Variants in SLC28A3 observed in about 807,000 individuals in gnomAD.
SLC28A3 encodes the protein solute carrier family 28 member 3, also known as concentrative Na(+)-nucleoside cotransporter 3.
Under a neutral mutation model 84.2 loss-of-function variants are expected in SLC28A3, and 68 were observed. The ratio of observed to expected loss-of-function variants is 0.81; its 90% CI spans 0.66 to 0.99. SLC28A3 has a LOEUF of 0.99. SLC28A3 is among the 50% of genes least tolerant of loss of function. The pLI is 0.00. For synonymous variants in SLC28A3, 267 were observed against 303.6 expected, an observed-to-expected ratio of 0.88 and a Z score of 1.25; for missense variants, 712 against 841.5, an observed-to-expected ratio of 0.85 and a Z score of 1.90.
chr9:84,285,500 C>G lies in SLC28A3; in HGVS notation c.1492G>C (p.Gly498Arg), dbSNP rs1381309149. 3 of 1,614,004 alleles carry G rather than the reference C, an allele frequency of 1.9e-6. No homozygotes were observed. The Admixed American group carries it at 5.0e-5, about 27-fold the overall frequency. ...YIFMPFSFMM[G>R]VEWQDSFMVA... ...ATAAAGCTGTCCTGCCATTCCACTCCCATCATGAAGGAAAAGGGCATGAAG... is the reference window on the plus strand; with the variant it reads ...ATAAAGCTGTCCTGCCATTCCACTCGCATCATGAAGGAAAAGGGCATGAAG... The change falls in exon 14 of 18, where the codon GGA (glycine) becomes CGA (arginine). Residue 498 changes from glycine to arginine, a missense_variant. Coordinates refer to ENST00000376238, the MANE Select transcript of SLC28A3 (RefSeq NM_001199633.2).
upstream of SLC28A3, among the ~76,000 whole-genome samples, chr9:84,345,530 G>A (rs1205207421): frequency 6.6e-6 from 1 of 152,286 alleles, no homozygotes. Flanking sequence ...TTTTAGAAAT[G>A]TAACGATGTG....
At chr9:84,280,641 A>C (rs1824711521) in intron 15 of SLC28A3, among the ~76,000 whole-genome samples, 160 bp downstream of exon 15, 1 of 152,170 alleles carries the variant, frequency 6.6e-6, no homozygotes, top group Non-Finnish European at 1.5e-5. Context: ...GTGCAAGGGA[A>C]AACTATATTG....
intron 10 of SLC28A3, among the ~76,000 whole-genome samples, chr9:84,291,518 T>G (rs546701697): frequency 6.6e-6 from 1 of 152,286 alleles, no homozygotes; most frequent in South Asian, 2.1e-4. Flanking sequence ...GTGTTTTTAG[T>G]AGAGACGGGG....
At chr9:84,307,690 A>G (rs1825850564) in intron 3 of SLC28A3, among the ~76,000 whole-genome samples, 1 of 152,106 alleles carries the variant, frequency 6.6e-6, no homozygotes, top group South Asian at 2.1e-4. Flanking sequence ...TTGAAGATAT[A>G]TTAAGAAGCA....
Position 84,299,575 on chromosome 9 carries a change from A to G in SLC28A3, c.669+6T>C. On this transcript the variant is annotated splice_donor_region_variant and intron_variant, in intron 6 of 17. Transcript: ENST00000376238. ...AAAGAACCTAAAAGATCAACTGGAT[A>G]CTTACTCTGGTTGGGTACTTGGAAA... 3.1e-6 allele frequency: 5 copies of G among 1,613,828 alleles called. No homozygotes were observed. The highest frequency in any genetic ancestry group is 1.7e-5 in the Admixed American group (1 of 59,968).
At chr9:84,346,610 T>C in the SLC28A3 span, among the ~76,000 whole-genome samples, 4 of 152,338 alleles carry the variant, frequency 2.6e-5, no homozygotes, top group East Asian at 7.7e-4. Context: ...TTATAAGGCT[T>C]AGTCTAATTA....
intron 7 of SLC28A3, among the ~76,000 whole-genome samples, chr9:84,297,530 G>T (rs774030827): frequency 1.3e-5 from 2 of 152,326 alleles, no homozygotes; most frequent in Admixed American, 6.5e-5. Context: ...ACTCTAGAAT[G>T]CTACAGAATG....
the SLC28A3 span, among the ~76,000 whole-genome samples, chr9:84,364,125 T>A: frequency 6.9e-6 from 1 of 145,912 alleles, no homozygotes; most frequent in African/African-American, 2.5e-5. Context: ...ACACTCTTTT[T>A]TTTTTTTTTT....
rs775697183 is a variant in SLC28A3, at chr9:84,286,004, A to G, written c.1388T>C (p.Phe463Ser). 1 of 1,613,982 alleles carries G rather than the reference A, an allele frequency of 6.2e-7. No homozygotes were observed. Among genetic ancestry groups the G allele is most frequent in the East Asian group, 2.2e-5 (1 of 44,894 alleles). The change falls in exon 13 of 18, where the codon TTT becomes TCT. Residue 463 changes from phenylalanine to serine, a missense_variant. By Grantham distance (155) the Phe-to-Ser change is radical. Transcript: ENST00000376238. Reference protein sequence around the residue: ...NLIAFLALLSFMNSALSWFGN... With the variant: ...NLIAFLALLSSMNSALSWFGN... ...AAACCAGGACAGGGCTGAATTCATA[A>G]AAGACAGCAGGGCCAGGAAGGCAAT...
intron 4 of SLC28A3, among the ~76,000 whole-genome samples, chr9:84,304,850 T>A (rs569899606): frequency 6.6e-6 from 1 of 152,118 alleles, no homozygotes; most frequent in Admixed American, 6.5e-5. Context: ...AGTGAAACCC[T>A]GTCTCTACTA....
In SLC28A3 at chr9:84,279,275, G is replaced by C; in HGVS notation, c.1939C>G (p.Leu647Val). The change falls in exon 17 of 18, where the codon CTG (leucine) becomes GTG (valine). Residue 647 changes from leucine to valine, a missense_variant. Coordinates refer to ENST00000376238, the MANE Select transcript of SLC28A3 (RefSeq NM_001199633.2). ...TTKVIACCQS[L>V]LSSTVAKGPG... The stretch of plus-strand genomic sequence containing the variant: ...TCAAGAATACAATACCTGCTCAACA[G>C]ACTTTGGCAACAAGCTATCACCTTG... The C allele has an allele frequency of 6.2e-7, 1 of 1,610,472 alleles. No homozygotes were observed. The highest frequency in any genetic ancestry group is 8.5e-7 in the Non-Finnish European group (1 of 1,178,624).
chr9:84,336,470 C>T (rs1417761057), intron 1 of SLC28A3, among the ~76,000 whole-genome samples: 3 of 152,194 alleles, frequency 2.0e-5, no homozygotes, highest in Non-Finnish European at 2.9e-5. Flanking sequence ...TGCCACTGCA[C>T]TCCAGTCTGG....
chr9:84,328,156 TACACACAC>T (rs71498096), intron 1 of SLC28A3, among the ~76,000 whole-genome samples: 2,014 of 131,958 alleles, frequency 0.015, 29 homozygotes, highest in East Asian at 0.084. Flanking sequence ...GGGAAAAGAC[TACACACAC>T]ACACACACAC....
At chr9:84,279,131 C>T in intron 17 of SLC28A3, 134 bp downstream of exon 17, 1 of 760,462 alleles carries the variant, frequency 1.3e-6, no homozygotes, top group African/African-American at 1.8e-5. Context: ...GGAGATTGCG[C>T]CACTGCACTC....
chr9:84,342,092 G>C (rs1055710250), upstream of SLC28A3, among the ~76,000 whole-genome samples: 16 of 136,288 alleles, frequency 1.2e-4, no homozygotes, highest in African/African-American at 3.5e-4. Context: ...ACGCACCGCT[G>C]CCTCCCATCT....
chr9:84,279,589 G>A lies in SLC28A3; in HGVS notation c.1829-204C>T, dbSNP rs1477464413. On this transcript the variant is annotated intron_variant, in intron 16 of 17. Coordinates refer to ENST00000376238, the MANE Select transcript of SLC28A3 (RefSeq NM_001199633.2). ...CCCAAGTAGCTGGGATTACAGGCACGCACCCAGCTAATTTTTGTATTTTTA... is the reference window on the plus strand; with the variant it reads ...CCCAAGTAGCTGGGATTACAGGCACACACCCAGCTAATTTTTGTATTTTTA... Among the ~76,000 whole-genome samples the A allele has an allele frequency of 5.3e-5, 8 of 152,142 alleles. No homozygotes were observed. The East Asian group carries it at 1.5e-3, about 29-fold the overall frequency.
intron 6 of SLC28A3, among the ~76,000 whole-genome samples, chr9:84,298,474 G>A (rs12344545): frequency 0.016 from 2,432 of 151,754 alleles, 72 homozygotes; most frequent in African/African-American, 0.057. Flanking sequence ...GCAACAGAGC[G>A]AGACTCCATC....
rs545403060 is a variant in SLC28A3, at chr9:84,336,809, G to A, written c.60+3765C>T. Among the ~76,000 whole-genome samples the A allele has an allele frequency of 2.0e-5, 3 of 152,272 alleles. No individual in the cohort carries two copies. In the South Asian group the frequency reaches 6.2e-4, roughly 32 times the overall value. ...TACCGTGTTCCCTTCCTCCATCCCA[G>A]GCTCATGTGCTCTTCTCCTTTAGGG... On this transcript the variant is annotated intron_variant, in intron 1 of 17. Coordinates refer to ENST00000376238, the MANE Select transcript of SLC28A3 (RefSeq NM_001199633.2).
At position 84,340,703 on chromosome 9, in the gene SLC28A3, T is replaced by C; in HGVS notation, c.-70A>G. The C allele has an allele frequency of 6.3e-7, 1 of 1,587,550 alleles. No individual in the cohort carries two copies. The highest frequency in any genetic ancestry group is 8.6e-7 in the Non-Finnish European group (1 of 1,159,810). On this transcript the variant is annotated 5_prime_UTR_variant, in exon 1 of 18. Coordinates refer to ENST00000376238, the MANE Select transcript of SLC28A3 (RefSeq NM_001199633.2). ...CCTGGGAAAAAGCACCAGTCTCTGC[T>C]GATGTCAGAAAGCCACCTGCTGTTA...
Sources: allele counts gnomAD v4.1 joint callset (sites outside exome capture counted in the v4.1 genomes callset), GRCh38; gene constraint gnomAD v4.1.1; transcripts MANE v1.5; gene names NCBI Gene and HGNC (gene_info 2026-07-23, HGNC 2026-07-21).